Variants in ADAMTS19 observed in about 807,000 individuals in gnomAD.
ADAMTS19 encodes ADAM metallopeptidase with thrombospondin type 1 motif 19.
A neutral mutation model predicts 153.3 loss-of-function variants in ADAMTS19; 93 were observed. The ratio of observed to expected loss-of-function variants is 0.61; its 90% CI spans 0.51 to 0.72. ADAMTS19 has a LOEUF of 0.72. Among genes scored for constraint, ADAMTS19 ranks in the 30% least tolerant of loss-of-function variants. ADAMTS19 has a pLI of 0.00. For synonymous variants in ADAMTS19, 600 were observed against 556.6 expected, an observed-to-expected ratio of 1.08 and a Z score of -1.10; for missense variants, 1,482 against 1,552.1, an observed-to-expected ratio of 0.95 and a Z score of 0.76.
intron 16 of ADAMTS19, among the ~76,000 whole-genome samples, chr5:129,673,191 T>C (rs1754391091): frequency 6.6e-6 from 1 of 152,194 alleles, no homozygotes; most frequent in East Asian, 1.9e-4. Context: ...CTTCTGCCCT[T>C]TATTAGTTTC....
intron 16 of ADAMTS19, among the ~76,000 whole-genome samples, chr5:129,665,787 T>C (rs1754023695): frequency 6.6e-6 from 1 of 151,806 alleles, no homozygotes; most frequent in African/African-American, 2.4e-5. Context: ...CTGTATGTTT[T>C]TGAGGGGTAA....
At position 129,551,860 on chromosome 5, in the gene ADAMTS19, C is replaced by G; in HGVS notation, c.1329-4C>G. On this transcript the variant is annotated splice_region_variant and splice_polypyrimidine_tract_variant and intron_variant, in intron 6 of 22. Transcript: ENST00000274487. ...TTATTTCAGTTTTCTATTTTTCTTT[C>G]TAGGAAAGATTTCTGTGTGCACAAA... 6.4e-7 allele frequency: 1 copy of G among 1,563,024 alleles called. No individual in the cohort carries two copies. Among genetic ancestry groups the G allele is most frequent in the Non-Finnish European group, 8.7e-7 (1 of 1,153,768 alleles).
rs1450778985 is a variant in ADAMTS19, at chr5:129,460,356, G to C, written c.-36G>C. 3 of 1,589,754 alleles carry C rather than the reference G, an allele frequency of 1.9e-6. No individual in the cohort carries two copies. The highest frequency in any genetic ancestry group is 2.6e-6 in the Non-Finnish European group (3 of 1,162,362). The stretch of plus-strand genomic sequence containing the variant: ...CCGGAGTGGATCGCGCTGGAGGCGT[G>C]CGCCGGGCGAGAAGCCGCGGCCGCG... On this transcript the variant is annotated 5_prime_UTR_variant, in exon 1 of 23. Transcript: ENST00000274487.
chr5:129,683,453 AG>A (rs1754920073), intron 17 of ADAMTS19, among the ~76,000 whole-genome samples: 1 of 152,158 alleles, frequency 6.6e-6, no homozygotes, highest in African/African-American at 2.4e-5. Flanking sequence ...TAATATTAAA[AG>A]TTCATGTAAC....
intron 7 of ADAMTS19, among the ~76,000 whole-genome samples, chr5:129,579,910 A>T (rs984095180): frequency 1.3e-5 from 2 of 151,970 alleles, no homozygotes; most frequent in Admixed American, 6.6e-5. Flanking sequence ...GATTTTCTTG[A>T]CTATACGGGC....
chr5:129,622,253 A>T lies in ADAMTS19; in HGVS notation c.1675A>T (p.Met559Leu). 6.2e-7 allele frequency: 1 copy of T among 1,614,120 alleles called. No individual in the cohort carries two copies. The highest frequency in any genetic ancestry group is 8.5e-7 in the Non-Finnish European group (1 of 1,179,988). ...AAATCCGCAGAGTGTCAATTCTGTGATGGTTCCCTCCAAGCTGCCAGGGAT... is the reference window on the plus strand; with the variant it reads ...AAATCCGCAGAGTGTCAATTCTGTGTTGGTTCCCTCCAAGCTGCCAGGGAT... ...QTNPQSVNSV[M>L]VPSKLPGMTY... The change falls in exon 10 of 23, where the codon ATG (methionine) becomes TTG (leucine). Residue 559 changes from methionine (M) to leucine (L), a missense_variant. By Grantham distance (15) the Met-to-Leu change is conservative. Transcript: ENST00000274487.
chr5:129,711,686 A>G (rs186016183), intron 21 of ADAMTS19, among the ~76,000 whole-genome samples: 72 of 152,198 alleles, frequency 4.7e-4, no homozygotes, highest in African/African-American at 1.7e-3. Flanking sequence ...AAAAAAAAAA[A>G]CAAAAATTCT....
intron 2 of ADAMTS19, among the ~76,000 whole-genome samples, chr5:129,483,509 C>T (rs991021702): frequency 3.3e-5 from 5 of 152,164 alleles, no homozygotes; most frequent in Non-Finnish European, 7.3e-5. Flanking sequence ...TCAGTTGTGA[C>T]AGCCCAGAAT....
intron 16 of ADAMTS19, 23 bp from the exon 17 acceptor site, chr5:129,679,738 CATT>C: frequency 6.4e-7 from 1 of 1,551,978 alleles, no homozygotes; most frequent in African/African-American, 1.4e-5. Flanking sequence ...TGTTAATACT[CATT>C]ATATTTTTGA....
chr5:129,501,538 TTTTTTTTTG>T (rs1751108612), intron 2 of ADAMTS19, among the ~76,000 whole-genome samples: 1 of 151,312 alleles, frequency 6.6e-6, no homozygotes, highest in Non-Finnish European at 1.5e-5. Flanking sequence ...AAGATGAGGA[TTTTTTTTTG>T]AAATAACACT....
chr5:129,614,894 A>G (rs1413976840), intron 8 of ADAMTS19, among the ~76,000 whole-genome samples: 1 of 150,620 alleles, frequency 6.6e-6, no homozygotes, highest in Admixed American at 6.6e-5. Context: ...CACCAATAAC[A>G]GACAAACAGA....
intron 21 of ADAMTS19, among the ~76,000 whole-genome samples, chr5:129,707,086 T>C (rs1380729273): frequency 5.9e-5 from 9 of 152,152 alleles, no homozygotes; most frequent in Non-Finnish European, 1.3e-4. Context: ...TACATACATA[T>C]GGATTTTTTC....
intron 7 of ADAMTS19, among the ~76,000 whole-genome samples, chr5:129,571,262 T>C (rs1753895568): frequency 6.6e-6 from 1 of 151,856 alleles, no homozygotes; most frequent in African/African-American, 2.4e-5. Context: ...TTTTATGTAC[T>C]AGAATTGGAT....
In ADAMTS19 at chr5:129,461,652, C is replaced by G; in HGVS notation, c.642C>G (p.Ser214=). The part of the protein sequence containing the change: ...NPGPGPTGAA[S]APQPPAPPDA... ...GCCCCGGCCCCACGGGGGCAGCATC[C>G]GCCCCGCAACCTCCCGCGCCACCAG... The change falls in exon 2 of 23, where the codon TCC becomes TCG. Residue 214 remains serine (S), a synonymous_variant. Transcript: ENST00000274487. The surrounding 1 kb of genome is among the most constrained non-coding windows in gnomAD (Gnocchi z 4.6). 6.3e-7 allele frequency: 1 copy of G among 1,590,086 alleles called. No individual in the cohort carries two copies. The highest frequency in any genetic ancestry group is 2.3e-5 in the East Asian group (1 of 42,790).
chr5:129,547,800 C>G (rs1221234661), intron 6 of ADAMTS19, among the ~76,000 whole-genome samples: 1 of 150,834 alleles, frequency 6.6e-6, no homozygotes, highest in Non-Finnish European at 1.5e-5. Flanking sequence ...GAAACCAAAA[C>G]AGCATGGTAC....
At chr5:129,669,615 CTCTAA>C (rs1172057328) in intron 16 of ADAMTS19, among the ~76,000 whole-genome samples, 1 of 151,964 alleles carries the variant, frequency 6.6e-6, no homozygotes, top group African/African-American at 2.4e-5. Flanking sequence ...TTTCACTTAT[CTCTAA>C]TCTAATCTTA....
intron 3 of ADAMTS19, among the ~76,000 whole-genome samples, chr5:129,517,497 T>C (rs1315390239): frequency 2.6e-5 from 4 of 151,958 alleles, no homozygotes; most frequent in African/African-American, 7.2e-5. Context: ...TTTAAAATTG[T>C]TATATCCTCT....
chr5:129,701,412 T>C lies in ADAMTS19; in HGVS notation c.2979T>C (p.Pro993=). The C allele has an allele frequency of 6.2e-7, 1 of 1,614,202 alleles. No individual in the cohort carries two copies. Among genetic ancestry groups the C allele is most frequent in the South Asian group, 1.1e-5 (1 of 91,080 alleles). ...GGTGGATGATGACAGAATGGACCCC[T>C]TGTTCACGAACTTGTGGAAAAGGAA... ...QTRWMMTEWT[P]CSRTCGKGMQ... Residue 993 remains proline (P), a synonymous_variant, in exon 20 of 23, where the codon CCT becomes CCC. Coordinates refer to ENST00000274487, the MANE Select transcript of ADAMTS19 (RefSeq NM_133638.6).
intron 7 of ADAMTS19, among the ~76,000 whole-genome samples, chr5:129,583,472 G>A (rs1311862246): frequency 1.3e-5 from 2 of 151,980 alleles, no homozygotes; most frequent in Non-Finnish European, 2.9e-5. Flanking sequence ...GCTAGGTTGG[G>A]GAAGTTCTCC....
Sources: gnomAD v4.1 joint callset for allele counts (sites outside exome capture counted in the v4.1 genomes callset) on GRCh38, gnomAD v4.1.1 for gene constraint, Gnocchi (gnomAD v3.1) non-coding constraint, MANE v1.5 for transcripts, NCBI Gene and HGNC (gene_info 2026-07-23, HGNC 2026-07-21) for gene names.